The following SGCZ variants were observed in gnomAD, a reference collection of about 807,000 sequenced individuals.
SGCZ encodes zeta-sarcoglycan.
A neutral mutation model predicts 41.3 loss-of-function variants in SGCZ; 40 were observed. The observed-to-expected ratio is 0.97, with a 90% CI of 0.75 to 1.26. SGCZ has a LOEUF of 1.26. Ranked by LOEUF, SGCZ falls within the 50% of genes most tolerant of loss-of-function variation. The pLI is 0.00. For synonymous variants in SGCZ, 206 were observed against 137.5 expected (o/e 1.50, Z -3.49); for missense variants, 552 against 369.8 (o/e 1.49, Z -4.04).
At chr8:15,013,330 T>TC (rs1367695565) in intron 1 of SGCZ, among the ~76,000 whole-genome samples, 1 of 152,166 alleles carries the variant, frequency 6.6e-6, no homozygotes, top group African/African-American at 2.4e-5. Context: ...GATAATGGAA[T>TC]CATAAAGTTG....
intron 1 of SGCZ, among the ~76,000 whole-genome samples, chr8:14,863,984 T>C (rs1056170521): frequency 6.6e-6 from 1 of 152,158 alleles, no homozygotes; most frequent in Admixed American, 6.6e-5. Flanking sequence ...TTACTAACTA[T>C]TCATAGAGAG....
At chr8:14,443,449 G>T (rs569571776) in intron 2 of SGCZ, among the ~76,000 whole-genome samples, 1 of 152,042 alleles carries the variant, frequency 6.6e-6, no homozygotes, top group Non-Finnish European at 1.5e-5. Context: ...CATGGTACTG[G>T]TACCAAAACA....
At chr8:14,228,038 A>C (rs1806433341) in intron 4 of SGCZ, among the ~76,000 whole-genome samples, 2 of 151,580 alleles carry the variant, frequency 1.3e-5, no homozygotes, top group Non-Finnish European at 2.9e-5. Context: ...GAAGTGAATG[A>C]TCTTCTGTGT....
intron 1 of SGCZ, among the ~76,000 whole-genome samples, chr8:14,686,306 T>C (rs1808609276): frequency 6.6e-6 from 1 of 152,066 alleles, no homozygotes; most frequent in Admixed American, 6.6e-5. Context: ...TTGAGTAATT[T>C]GAAATATACA....
chr8:14,280,927 T>C (rs1012362327), intron 3 of SGCZ, among the ~76,000 whole-genome samples: 1 of 125,362 alleles, frequency 8.0e-6, no homozygotes, highest in African/African-American at 3.0e-5. Context: ...GTCATCAAAC[T>C]ACCGGGTGAA....
intron 1 of SGCZ, among the ~76,000 whole-genome samples, chr8:15,087,401 T>A (rs34742837): frequency 1.2e-3 from 189 of 152,196 alleles, no homozygotes; most frequent in African/African-American, 4.4e-3. Context: ...AACGTCAATA[T>A]CCCTGCTATA....
intron 1 of SGCZ, among the ~76,000 whole-genome samples, chr8:14,602,358 G>A (rs1338917131): frequency 6.6e-6 from 1 of 151,890 alleles, no homozygotes; most frequent in South Asian, 2.1e-4. Context: ...AGGCATGGTG[G>A]CTCGCACCTG....
intron 1 of SGCZ, among the ~76,000 whole-genome samples, chr8:14,829,143 G>C (rs1802439041): frequency 7.9e-6 from 1 of 127,372 alleles, no homozygotes; most frequent in Non-Finnish European, 1.6e-5. Context: ...CCTCATCCAG[G>C]TATGAAGGTC....
rs189892570 is a variant in SGCZ at position 14,444,647 on chromosome 8, C to T, written c.234+110085G>A. Among the ~76,000 whole-genome samples the T allele has an allele frequency of 5.1e-3, 668 of 131,814 alleles. 11 individuals carry two copies. Among genetic ancestry groups the T allele is most frequent in the African/African-American group, 0.018 (602 of 33,942 alleles). 86.5% of individuals were successfully genotyped at this position (131,814 alleles called of 152,430 possible). On this transcript the variant is annotated intron_variant, in intron 2 of 7. Transcript: ENST00000382080. ...TGGACACAGGAAGGGGAACATCACA[C>T]TATGGGGACTGTTGTGGGGTGGGGG...
At chr8:14,702,917 T>TTAGGTAGG (rs200366195) in intron 1 of SGCZ, among the ~76,000 whole-genome samples, 3 of 135,762 alleles carry the variant, frequency 2.2e-5, no homozygotes, top group East Asian at 2.2e-4. Context: ...AGGTAGGTAG[T>TTAGGTAGG]TAGGTAGGTA....
intron 4 of SGCZ, among the ~76,000 whole-genome samples, chr8:14,192,071 A>C (rs890483855): frequency 1.3e-5 from 2 of 152,126 alleles, no homozygotes; most frequent in Non-Finnish European, 2.9e-5. Flanking sequence ...ATGTCATTTA[A>C]TCAATTGTAT....
intron 1 of SGCZ, among the ~76,000 whole-genome samples, chr8:15,069,945 C>A (rs1805291533): frequency 1.3e-5 from 2 of 150,274 alleles, no homozygotes; most frequent in Non-Finnish European, 1.5e-5. Flanking sequence ...CACACAAAGA[C>A]ACACACACAC....
chr8:14,840,444 C>A (rs1421327875), intron 1 of SGCZ, among the ~76,000 whole-genome samples: 1 of 151,946 alleles, frequency 6.6e-6, no homozygotes, highest in East Asian at 1.9e-4. Context: ...TTGCGGAAAA[C>A]AATATATCAA....
chr8:14,427,026 C>T (rs1390973458), intron 2 of SGCZ, among the ~76,000 whole-genome samples: 2 of 138,606 alleles, frequency 1.4e-5, no homozygotes, highest in African/African-American at 6.2e-5. Context: ...AGCCCAGTAA[C>T]ATTAAATGAA....
Position 15,014,929 on chromosome 8 carries a change from T to G in SGCZ, c.39+222656A>C, listed in dbSNP as rs61652524. Among the ~76,000 whole-genome samples the G allele has an allele frequency of 7.1e-3, 1,075 of 152,280 alleles. 15 individuals are homozygous for G. The highest frequency in any genetic ancestry group is 0.025 in the African/African-American group (1,026 of 41,584). ...TGTAAAAACTACCGCAAACCTGGTC[T>G]TCTCATTAGGGGCCTCAAATTTCTG... On this transcript the variant is annotated intron_variant, in intron 1 of 7. Coordinates refer to ENST00000382080, the MANE Select transcript of SGCZ (RefSeq NM_139167.4).
chr8:14,586,886 G>A (rs1805075717), intron 1 of SGCZ, among the ~76,000 whole-genome samples: 1 of 152,156 alleles, frequency 6.6e-6, no homozygotes, highest in East Asian at 1.9e-4. Flanking sequence ...AATTTTGACA[G>A]ATTAATAAAG....
chr8:14,426,331 G>A (rs983509942), intron 2 of SGCZ, among the ~76,000 whole-genome samples: 5 of 152,064 alleles, frequency 3.3e-5, no homozygotes, highest in African/African-American at 1.2e-4. Flanking sequence ...AGCATGTAGG[G>A]AATATTTTTA....
At chr8:14,651,306 A>G (rs754077822) in intron 1 of SGCZ, among the ~76,000 whole-genome samples, 3 of 152,130 alleles carry the variant, frequency 2.0e-5, no homozygotes, top group Non-Finnish European at 4.4e-5. Flanking sequence ...AATATTTTTA[A>G]CATATTATTT....
At chr8:14,328,313 ATTTGTTAAT>A (rs1460310355) in intron 2 of SGCZ, among the ~76,000 whole-genome samples, 1 of 152,088 alleles carries the variant, frequency 6.6e-6, no homozygotes, top group Non-Finnish European at 1.5e-5. Context: ...GGAGAAAATG[ATTTGTTAAT>A]TTTCTGTTCA....
Sources: allele counts gnomAD v4.1 joint callset (sites outside exome capture counted in the v4.1 genomes callset), GRCh38; gene constraint gnomAD v4.1.1; transcripts MANE v1.5; gene names NCBI Gene and HGNC (gene_info 2026-07-23, HGNC 2026-07-21).